Variants in ERICH1 observed in about 807,000 individuals in gnomAD.
The protein encoded by ERICH1 is glutamate-rich protein 1.
In ERICH1, 56 loss-of-function variants were observed where a neutral mutation model predicts 39.6. That is an observed-to-expected ratio of 1.41 (90% CI 1.14 to 1.77). The LOEUF (loss-of-function observed/expected upper bound fraction) is 1.77. ERICH1 is among the 40% of genes most tolerant of loss of function. The pLI, the probability that ERICH1 is intolerant of heterozygous loss-of-function variation, is 0.00. For missense variants in ERICH1, 826 were observed against 575.4 expected (o/e 1.44, Z -4.45); for synonymous variants, 313 against 223.6 (o/e 1.40, Z -3.57).
At chr8:666,036 A>G (rs1432305886) in intron 5 of ERICH1, 1 of 152,262 alleles carries the variant, frequency 6.6e-6, no homozygotes, top group Non-Finnish European at 1.5e-5. Context: ...CTTGACACAG[A>G]AAACCTTTAA....
At chr8:624,848 T>G (rs1174455337) in intron 3 of ERICH1, among the ~76,000 whole-genome samples, 1 of 152,114 alleles carries the variant, frequency 6.6e-6, no homozygotes. Flanking sequence ...TGCCTCAGCC[T>G]CCAGAGTAGC....
intron 3 of ERICH1, among the ~76,000 whole-genome samples, chr8:691,473 G>A (rs902048148): frequency 2.6e-5 from 4 of 152,234 alleles, no homozygotes; most frequent in Non-Finnish European, 2.9e-5. Context: ...GGGCGAGAGC[G>A]CCAACCGCGG....
intron 3 of ERICH1, among the ~76,000 whole-genome samples, chr8:681,413 A>G (rs1806089291): frequency 6.6e-6 from 1 of 152,268 alleles, no homozygotes; most frequent in Non-Finnish European, 1.5e-5. Flanking sequence ...AGGGGTCACA[A>G]TAATTTGGCA....
At chr8:683,594 C>T (rs1280701277) in intron 3 of ERICH1, among the ~76,000 whole-genome samples, 5 of 152,216 alleles carry the variant, frequency 3.3e-5, no homozygotes, top group Non-Finnish European at 7.3e-5. Context: ...GAAATGTGGC[C>T]TCCTCCCCCG....
intron 3 of ERICH1, among the ~76,000 whole-genome samples, chr8:617,104 A>G (rs1201290575): frequency 1.3e-5 from 2 of 152,150 alleles, no homozygotes; most frequent in Admixed American, 6.5e-5. Context: ...ATGACAGTGC[A>G]TATTATTCCA....
At chr8:722,208 C>T (rs773557409) in intron 1 of ERICH1, among the ~76,000 whole-genome samples, 13 of 150,880 alleles carry the variant, frequency 8.6e-5, no homozygotes, top group Admixed American at 1.3e-4. Flanking sequence ...AGGCAGAGGA[C>T]GGAGTGTTTA....
intron 3 of ERICH1, among the ~76,000 whole-genome samples, chr8:655,392 G>A (rs191053922): frequency 1.3e-3 from 203 of 152,356 alleles, no homozygotes; most frequent in African/African-American, 4.7e-3. Context: ...AGGAGCGTAT[G>A]TAATAGGAGT....
In ERICH1 at chr8:708,681, G is replaced by GTTTTTTGTTTTTTTTTTTTTTTTT; in HGVS notation, c.169+7179_169+7180insAAAAAAAAAAAAAAAAACAAAAAA. 1.1e-3 allele frequency among the ~76,000 whole-genome samples: 74 copies of GTTTTTTGTTTTTTTTTTTTTTTTT among 65,768 alleles called. 7 individuals carry two copies. Among genetic ancestry groups the GTTTTTTGTTTTTTTTTTTTTTTTT allele is most frequent in the Non-Finnish European group, 1.4e-3 (47 of 33,642 alleles). The allele number at this position is 65,768 out of a possible 152,430, so 43.1% of individuals were successfully genotyped here. On this transcript the variant is annotated intron_variant, in intron 2 of 5. Transcript: ENST00000262109. ...GGGCTGAGTGGTTACGGGATAATGA[G>GTTTTTTGTTTTTTTTTTTTTTTTT]TTTTTTTTTTTTTTTTTTTTTTTTT...
chr8:689,594 C>G (rs965067446), intron 3 of ERICH1, among the ~76,000 whole-genome samples: 7 of 152,198 alleles, frequency 4.6e-5, no homozygotes, highest in African/African-American at 1.7e-4. Flanking sequence ...GCACTGTGTG[C>G]CACTGGAAAA....
At chr8:692,734 A>G (rs1809206402) in intron 2 of ERICH1, 122 bp from the exon 3 acceptor site, 4 of 1,169,714 alleles carry the variant, frequency 3.4e-6, no homozygotes, top group Admixed American at 3.3e-5. Context: ...CAAAGAGCTC[A>G]ATAAAACCTA....
At chr8:664,801 A>G (rs1801942346) in intron 5 of ERICH1, 125 bp from the exon 6 acceptor site, 10 of 681,638 alleles carry the variant, frequency 1.5e-5, no homozygotes, top group South Asian at 2.1e-5. Context: ...ATAAAATGCA[A>G]CTTTGGCATG....
At chr8:705,881 C>T (rs905763916) in intron 2 of ERICH1, among the ~76,000 whole-genome samples, 4 of 152,158 alleles carry the variant, frequency 2.6e-5, no homozygotes, top group African/African-American at 9.7e-5. Flanking sequence ...ATAATGCGGA[C>T]CCTGAAGATG....
intron 4 of ERICH1, chr8:672,123 A>T (rs1803569382): frequency 1.3e-5 from 2 of 152,766 alleles, no homozygotes; most frequent in African/African-American, 4.8e-5. Context: ...TGTTTTCCTG[A>T]GTAGCTTCCT....
intron 2 of ERICH1, among the ~76,000 whole-genome samples, chr8:701,049 AC>A (rs554882396): frequency 1.6e-3 from 251 of 152,408 alleles, no homozygotes; most frequent in Admixed American, 3.0e-3. Flanking sequence ...TCCACCAGTG[AC>A]ACAAATGCAA....
At chr8:679,800 C>T (rs12544239) in intron 3 of ERICH1, among the ~76,000 whole-genome samples, 5,213 of 152,322 alleles carry the variant, frequency 0.034, 124 homozygotes, top group South Asian at 0.093. Context: ...AGGGAGACAA[C>T]GTGTGCAAGA....
chr8:700,640 C>T (rs1444575598), intron 2 of ERICH1, among the ~76,000 whole-genome samples: 2 of 152,196 alleles, frequency 1.3e-5, no homozygotes. Context: ...TTCCAAGCTA[C>T]AACTTATCAC....
intron 3 of ERICH1, among the ~76,000 whole-genome samples, chr8:634,046 A>G (rs1798223391): frequency 6.6e-6 from 1 of 152,178 alleles, no homozygotes; most frequent in South Asian, 2.1e-4. Flanking sequence ...GGAAACAAAA[A>G]CATTTCGTCC....
chr8:713,447 G>C (rs972543817), intron 2 of ERICH1, among the ~76,000 whole-genome samples: 2 of 152,186 alleles, frequency 1.3e-5, no homozygotes, highest in Non-Finnish European at 2.9e-5. Context: ...ATGTAGAAAA[G>C]AACATGGAAT....
chr8:715,978 A>G lies in ERICH1; in HGVS notation c.52T>C (p.Phe18Leu). ...CCTTGGCCACTTGGAACAGGAGGAA[A>G]AAGTCTCTGCAGCACCTTCTCCACA... ...VFVEKVLQRL[F>L]PPVPSGQGKR... The change falls in exon 2 of 6, where the codon TTT becomes CTT. Residue 18 changes from phenylalanine (F) to leucine (L), a missense_variant. Coordinates refer to ENST00000262109, the MANE Select transcript of ERICH1 (RefSeq NM_207332.3). 2 of 1,613,338 alleles carry G rather than the reference A, an allele frequency of 1.2e-6. No individual in the cohort carries two copies. The highest frequency in any genetic ancestry group is 1.7e-6 in the Non-Finnish European group (2 of 1,179,768).
Sources: gnomAD v4.1 joint callset for allele counts (sites outside exome capture counted in the v4.1 genomes callset) on GRCh38, gnomAD v4.1.1 for gene constraint, MANE v1.5 for transcripts, NCBI Gene and HGNC (gene_info 2026-07-23, HGNC 2026-07-21) for gene names.